Variants in SORCS3 observed in about 807,000 individuals in gnomAD.
The protein encoded by SORCS3 is sortilin related VPS10 domain containing receptor 3.
In SORCS3, 57 loss-of-function variants were observed where a neutral mutation model predicts 146.3. The observed-to-expected ratio is 0.39, with a 90% CI of 0.31 to 0.49. SORCS3 has a LOEUF of 0.49. Among genes scored for constraint, SORCS3 ranks in the 20% least tolerant of loss-of-function variants. The pLI is 0.92. For synonymous variants in SORCS3, 653 were observed against 618.5 expected, an observed-to-expected ratio of 1.06 and a Z score of -0.83; for missense variants, 1,341 against 1,575.5, an observed-to-expected ratio of 0.85 and a Z score of 2.52.
intron 5 of SORCS3, among the ~76,000 whole-genome samples, chr10:105,061,725 G>A (rs1420963491): frequency 6.6e-6 from 1 of 152,064 alleles, no homozygotes; most frequent in Non-Finnish European, 1.5e-5. Context: ...TGAGGAATGA[G>A]GGATATGGCA....
chr10:104,964,691 A>G (rs912567671), intron 3 of SORCS3, among the ~76,000 whole-genome samples: 12 of 152,072 alleles, frequency 7.9e-5, no homozygotes, highest in African/African-American at 2.9e-4. Context: ...TCTTATTTTT[A>G]TATTTATTTT....
At chr10:104,890,551 A>G (rs1241814721) in intron 2 of SORCS3, among the ~76,000 whole-genome samples, 1 of 151,956 alleles carries the variant, frequency 6.6e-6, no homozygotes, top group Non-Finnish European at 1.5e-5. Context: ...GTCTTCTTAT[A>G]TCTTTCATGT....
intron 5 of SORCS3, among the ~76,000 whole-genome samples, chr10:105,083,160 CAAAT>C (rs1414195085): frequency 6.6e-6 from 1 of 151,906 alleles, no homozygotes; most frequent in Non-Finnish European, 1.5e-5. Context: ...ACAGCATACT[CAAAT>C]AAAGGCATTA....
chr10:104,656,100 T>C (rs1330533210), intron 1 of SORCS3, among the ~76,000 whole-genome samples: 1 of 152,072 alleles, frequency 6.6e-6, no homozygotes, highest in Non-Finnish European at 1.5e-5. Context: ...ATGACAACAC[T>C]AGGGACATTT....
chr10:105,010,628 C>T (rs897934537), intron 4 of SORCS3, among the ~76,000 whole-genome samples: 2 of 152,114 alleles, frequency 1.3e-5, no homozygotes, highest in African/African-American at 4.8e-5. Context: ...GTAATAGCAA[C>T]CAGTGCACAC....
At chr10:104,693,707 G>A (rs963629927) in intron 1 of SORCS3, among the ~76,000 whole-genome samples, 4 of 152,144 alleles carry the variant, frequency 2.6e-5, no homozygotes, top group African/African-American at 9.7e-5. Flanking sequence ...TGAGGCTTCA[G>A]GAATAACAGG....
At chr10:105,133,949 C>A (rs751668768) in intron 7 of SORCS3, among the ~76,000 whole-genome samples, 1 of 152,108 alleles carries the variant, frequency 6.6e-6, no homozygotes, top group Non-Finnish European at 1.5e-5. Context: ...CAGAGTGAGA[C>A]CCTGTCTCAC....
intron 3 of SORCS3, among the ~76,000 whole-genome samples, chr10:104,939,119 C>T (rs1281358557): frequency 6.6e-6 from 1 of 152,228 alleles, no homozygotes; most frequent in African/African-American, 2.4e-5. Flanking sequence ...TACTCTTCCT[C>T]TAGCACCCTC....
chr10:105,139,406 A>G lies in SORCS3; in HGVS notation c.1222A>G (p.Ser408Gly), dbSNP rs754518870. 1.2e-6 allele frequency: 2 copies of G among 1,613,122 alleles called. No individual in the cohort carries two copies. Among genetic ancestry groups the G allele is most frequent in the Non-Finnish European group, 8.5e-7 (1 of 1,179,118 alleles). Residue 408 changes from serine (S) to glycine (G), a missense_variant, in exon 8 of 27, where the codon AGT becomes GGT. Physicochemically the swap from Ser to Gly is moderately conservative, Grantham distance 56. Coordinates refer to ENST00000369701, the MANE Select transcript of SORCS3 (RefSeq NM_014978.3). ...DEYIFIQVTT[S>G]GRASYYVSYR... ...TTCCCCCACAATCTAGGTAACAACT[A>G]GTGGAAGAGCCAGCTACTACGTGTC...
chr10:104,785,314 T>G (rs1315023595), intron 1 of SORCS3, among the ~76,000 whole-genome samples: 3 of 144,766 alleles, frequency 2.1e-5, no homozygotes, highest in Non-Finnish European at 4.5e-5. Context: ...ACATGTGCTG[T>G]GTCCACTCAG....
At chr10:105,024,306 T>TTTG (rs1442737112) in intron 4 of SORCS3, among the ~76,000 whole-genome samples, 4 of 152,268 alleles carry the variant, frequency 2.6e-5, no homozygotes, top group Admixed American at 1.3e-4. Flanking sequence ...CACTCTTTTT[T>TTTG]TTGTTGTTGT....
At chr10:104,743,738 G>A (rs985257927) in intron 1 of SORCS3, among the ~76,000 whole-genome samples, 12 of 152,244 alleles carry the variant, frequency 7.9e-5, no homozygotes, top group Admixed American at 7.2e-4. Flanking sequence ...CTGTGAACCT[G>A]TACGTGCTGC....
intron 2 of SORCS3, among the ~76,000 whole-genome samples, chr10:104,913,693 CT>C (rs1207391052): frequency 6.6e-6 from 1 of 150,736 alleles, no homozygotes; most frequent in Non-Finnish European, 1.5e-5. Context: ...TACCTGCATT[CT>C]GTTAGGAGGT....
chr10:105,162,050 C>A (rs534709909), intron 11 of SORCS3, among the ~76,000 whole-genome samples: 8 of 152,322 alleles, frequency 5.3e-5, no homozygotes, highest in African/African-American at 1.9e-4. Flanking sequence ...AGCTTCCTCC[C>A]CAACTGAGCC....
At chr10:104,990,907 G>T (rs2054990050) in intron 4 of SORCS3, among the ~76,000 whole-genome samples, 1 of 152,168 alleles carries the variant, frequency 6.6e-6, no homozygotes, top group Non-Finnish European at 1.5e-5. Context: ...CACTTCCAGA[G>T]CTGTTCTAGA....
intron 2 of SORCS3, among the ~76,000 whole-genome samples, chr10:104,892,230 A>G (rs1190952288): frequency 6.6e-6 from 1 of 152,198 alleles, no homozygotes; most frequent in African/African-American, 2.4e-5. Context: ...GGACTAGCTC[A>G]GTGCTGTGTT....
intron 2 of SORCS3, among the ~76,000 whole-genome samples, chr10:104,873,595 G>T (rs2018541136): frequency 1.3e-5 from 2 of 152,218 alleles, no homozygotes; most frequent in African/African-American, 2.4e-5. Flanking sequence ...TTTGGATGCA[G>T]TAGTCATACA....
At chr10:104,845,252 T>C (rs1465267807) in intron 2 of SORCS3, among the ~76,000 whole-genome samples, 1 of 152,222 alleles carries the variant, frequency 6.6e-6, no homozygotes, top group African/African-American at 2.4e-5. Context: ...GCTAAATGTT[T>C]ACTTGCTGGT....
At chr10:104,712,694 A>G (rs2099530498) in intron 1 of SORCS3, among the ~76,000 whole-genome samples, 1 of 152,220 alleles carries the variant, frequency 6.6e-6, no homozygotes, top group Non-Finnish European at 1.5e-5. Flanking sequence ...TCTTGCTGAG[A>G]AAATGCTCAC....
Sources: allele counts gnomAD v4.1 joint callset (sites outside exome capture counted in the v4.1 genomes callset), GRCh38; gene constraint gnomAD v4.1.1; transcripts MANE v1.5; gene names NCBI Gene and HGNC (gene_info 2026-07-23, HGNC 2026-07-21).